The following DPYS variants were observed in gnomAD, a reference collection of about 807,000 sequenced individuals.
The protein encoded by DPYS is dihydropyrimidine amidohydrolase.
Under a neutral mutation model 50.3 loss-of-function variants are expected in DPYS, and 39 were observed. The observed-to-expected ratio is 0.78, with a 90% CI of 0.60 to 1.01. DPYS has a LOEUF of 1.01. DPYS is among the 50% of genes least tolerant of loss of function. DPYS has a pLI of 0.00. For missense variants in DPYS, 659 were observed against 680.9 expected, an observed-to-expected ratio of 0.97 and a Z score of 0.36; for synonymous variants, 245 against 250.7, an observed-to-expected ratio of 0.98 and a Z score of 0.22.
At chr8:104,402,760 A>G (rs1039309161) in intron 7 of DPYS, among the ~76,000 whole-genome samples, 2 of 152,194 alleles carry the variant, frequency 1.3e-5, no homozygotes, top group East Asian at 1.9e-4. Flanking sequence ...AGGAAGAAAA[A>G]GGAATTAAGA....
At chr8:104,425,430 A>G (rs774195672) in intron 6 of DPYS, among the ~76,000 whole-genome samples, 1 of 149,838 alleles carries the variant, frequency 6.7e-6, no homozygotes, top group Non-Finnish European at 1.5e-5. Context: ...TTTTGCACCA[A>G]CCTAATAGCT....
At chr8:104,458,508 T>C (rs1308655524) in intron 1 of DPYS, among the ~76,000 whole-genome samples, 1 of 152,230 alleles carries the variant, frequency 6.6e-6, no homozygotes, top group East Asian at 1.9e-4. Flanking sequence ...AGAAAGCGTT[T>C]ACCCCATTCC....
intron 8 of DPYS, chr8:104,381,524 A>T (rs907071024): frequency 9.6e-6 from 5 of 521,830 alleles, no homozygotes; most frequent in Middle Eastern, 5.5e-4. Flanking sequence ...TCTGCCTCAG[A>T]CAGAGGCCCA....
chr8:104,432,938 AT>A (rs1813003655), intron 4 of DPYS, among the ~76,000 whole-genome samples: 2 of 152,228 alleles, frequency 1.3e-5, no homozygotes, highest in Admixed American at 1.3e-4. Flanking sequence ...ATGTAACTGT[AT>A]TTGGAAAAAG....
At chr8:104,383,810 C>A (rs1811130549) in intron 8 of DPYS, among the ~76,000 whole-genome samples, 3 of 152,152 alleles carry the variant, frequency 2.0e-5, no homozygotes, top group African/African-American at 7.2e-5. Context: ...CCATCTTGGC[C>A]AGGCTGGTCT....
At chr8:104,430,693 A>C (rs1353537741) in intron 4 of DPYS, among the ~76,000 whole-genome samples, 1 of 152,212 alleles carries the variant, frequency 6.6e-6, no homozygotes, top group Non-Finnish European at 1.5e-5. Context: ...TATTTCATAG[A>C]TCCTTCTTCA....
intron 1 of DPYS, among the ~76,000 whole-genome samples, chr8:104,456,258 G>T (rs909140602): frequency 6.6e-6 from 1 of 152,138 alleles, no homozygotes. Flanking sequence ...ACATTTCTCA[G>T]AATGTATTCC....
chr8:104,460,986 T>A (rs934326895), intron 1 of DPYS, among the ~76,000 whole-genome samples: 7 of 151,994 alleles, frequency 4.6e-5, no homozygotes, highest in African/African-American at 1.5e-4. Flanking sequence ...TAGATTTTTT[T>A]AAAAGTCATT....
Position 104,466,717 on chromosome 8 carries a change from C to T in DPYS, c.204G>A (p.Thr68=), listed in dbSNP as rs1160284348. The T allele has an allele frequency of 3.7e-5, 57 of 1,535,690 alleles. No individual in the cohort carries two copies. Among genetic ancestry groups the T allele is most frequent in the African/African-American group, 4.1e-5 (3 of 72,410 alleles). ...AGCCCATGAAGGGGAACTGCATGTG[C>T]GTGTGTGTGTCGATGCCTCCGGGCA... ...LVLPGGIDTH[T]HMQFPFMGSR... The change falls in exon 1 of 10, where the codon ACG becomes ACA. Residue 68 remains threonine (T), a synonymous_variant. Transcript: ENST00000351513.
At position 104,467,022 on chromosome 8, in the gene DPYS, A is replaced by G; in HGVS notation, c.-102T>C. ...GTGCCCTCCTGCAAGGTCCCCACCG[A>G]CAGCCCCCGAGCTCTGCCTCAGGCT... is the stretch of plus-strand genomic sequence containing the variant. On this transcript the variant is annotated 5_prime_UTR_variant, in exon 1 of 10. Coordinates refer to ENST00000351513, the MANE Select transcript of DPYS (RefSeq NM_001385.3). The G allele has an allele frequency of 1.5e-6, 2 of 1,307,540 alleles. No individual in the cohort carries two copies. The highest frequency in any genetic ancestry group is 1.9e-5 in the South Asian group (1 of 53,924). The allele number at this position is 1,307,540 out of a possible 1,614,324, so 81.0% of individuals were successfully genotyped here. A position where few individuals can be genotyped will look rare whatever the true frequency, so the allele number is the denominator to read the frequency against.
In DPYS at chr8:104,402,137, T is replaced by C. The variant is rs141376383; in HGVS notation, c.1236-9146A>G. 1.8e-3 allele frequency among the ~76,000 whole-genome samples: 281 copies of C among 152,284 alleles called. 1 individual carries two copies. The highest frequency in any genetic ancestry group is 6.3e-3 in the African/African-American group (262 of 41,546). On this transcript the variant is annotated intron_variant, in intron 7 of 9. Coordinates refer to ENST00000351513, the MANE Select transcript of DPYS (RefSeq NM_001385.3). ...GTGATGTAGGTCATGGTGAGATAAA[T>C]TGGATTTAGACATGAGCAAGCTGAC...
Position 104,444,411 on chromosome 8 carries a change from C to A in DPYS, c.630G>T (p.Gly210=). 6.2e-7 allele frequency: 1 copy of A among 1,614,188 alleles called. No homozygotes were observed. Among genetic ancestry groups the A allele is most frequent in the Non-Finnish European group, 8.5e-7 (1 of 1,180,040 alleles). ...GCTCGTGGCCCTCAGGGCCTGTTAT[C>A]CCCAGAGCCAACATCTTCTTTGCTC... The part of the protein sequence containing the change: ...AEGAKKMLAL[G]ITGPEGHELC... Residue 210 remains glycine, a synonymous_variant, in exon 4 of 10, where the codon GGG becomes GGT. Transcript: ENST00000351513.
chr8:104,405,512 TG>T (rs1811966191), intron 7 of DPYS, among the ~76,000 whole-genome samples: 1 of 152,222 alleles, frequency 6.6e-6, no homozygotes, highest in Non-Finnish European at 1.5e-5. Context: ...TCTCTTCCAG[TG>T]GTGGTGCATG....
At chr8:104,429,267 C>G (rs930826004) in intron 5 of DPYS, 3 of 459,902 alleles carry the variant, frequency 6.5e-6, no homozygotes, top group Non-Finnish European at 1.2e-5. Context: ...ATGAAGAGCC[C>G]TGGGTTTGGG....
intron 8 of DPYS, among the ~76,000 whole-genome samples, chr8:104,388,521 A>C (rs1368233494): frequency 1.3e-5 from 2 of 152,224 alleles, no homozygotes; most frequent in Non-Finnish European, 2.9e-5. Context: ...ACAATTAATA[A>C]TATGTAGTTT....
chr8:104,455,192 T>C (rs1187304767), intron 1 of DPYS, among the ~76,000 whole-genome samples: 1 of 152,156 alleles, frequency 6.6e-6, no homozygotes, highest in Non-Finnish European at 1.5e-5. Flanking sequence ...CAAAGTCTCA[T>C]AGCCAGCAAG....
chr8:104,451,208 G>T, intron 2 of DPYS, 38 bp downstream of exon 2: 1 of 1,612,552 alleles, frequency 6.2e-7, no homozygotes, highest in South Asian at 1.1e-5. Context: ...GTGAGGACAA[G>T]AGGACAATGG....
intron 9 of DPYS, 31 bp downstream of exon 9, chr8:104,381,153 A>G: frequency 6.4e-7 from 1 of 1,564,082 alleles, no homozygotes; most frequent in Non-Finnish European, 8.8e-7. Flanking sequence ...GCTGTCATGC[A>G]GGAAGACTTT....
chr8:104,431,710 C>T (rs1812962301), intron 4 of DPYS, among the ~76,000 whole-genome samples: 1 of 152,058 alleles, frequency 6.6e-6, no homozygotes, highest in African/African-American at 2.4e-5. Context: ...GTTTGCAAGG[C>T]TCCCAAATAC....
Sources: gnomAD v4.1 joint callset for allele counts (sites outside exome capture counted in the v4.1 genomes callset) on GRCh38, gnomAD v4.1.1 for gene constraint, MANE v1.5 for transcripts, NCBI Gene and HGNC (gene_info 2026-07-23, HGNC 2026-07-21) for gene names.